DIP2C: variants seen among roughly 807,000 people sequenced by gnomAD.
DIP2C encodes the protein disco-interacting protein 2 homolog C.
Under a neutral mutation model 192.4 loss-of-function variants are expected in DIP2C, and 33 were observed. That is an observed-to-expected ratio of 0.17 (90% CI 0.13 to 0.23). DIP2C has a LOEUF of 0.23. Among genes scored for constraint, DIP2C ranks in the 10% least tolerant of loss-of-function variants. The pLI, the probability that DIP2C is intolerant of heterozygous loss-of-function variation, is 1.00. For synonymous variants in DIP2C, 979 were observed against 864.1 expected, an observed-to-expected ratio of 1.13 and a Z score of -2.33; for missense variants, 1,537 against 2,110.1, an observed-to-expected ratio of 0.73 and a Z score of 5.32.
At chr10:662,199 G>A (rs1856802287) in intron 1 of DIP2C, 1 of 696,540 alleles carries the variant, frequency 1.4e-6, no homozygotes, top group Non-Finnish European at 2.7e-6. Flanking sequence ...TACACAAAGA[G>A]TACAGGCCTC....
intron 1 of DIP2C, among the ~76,000 whole-genome samples, chr10:490,844 G>A (rs1011988134): frequency 6.6e-6 from 1 of 152,110 alleles, no homozygotes; most frequent in African/African-American, 2.4e-5. Context: ...AAAGAGGAGA[G>A]ATTTACACAC....
At chr10:331,895 GTAACA>G (rs1957524189) in intron 29 of DIP2C, among the ~76,000 whole-genome samples, 1 of 152,230 alleles carries the variant, frequency 6.6e-6, no homozygotes, top group African/African-American at 2.4e-5. Flanking sequence ...TAAAACATAT[GTAACA>G]TAACATTTAC....
Position 440,975 on chromosome 10 carries a change from T to C in DIP2C, c.290A>G (p.Gln97Arg), listed in dbSNP as rs1967678440. The change falls in exon 4 of 37, where the codon CAG becomes CGG. Residue 97 changes from glutamine to arginine, a missense_variant. Physicochemically the swap from Gln to Arg is conservative, Grantham distance 43. Coordinates refer to ENST00000280886, the MANE Select transcript of DIP2C (RefSeq NM_014974.3). Reference sequence around the variant, plus strand: ...CTCTTTGTGTTTGGCCAGAGCCGCCTGGACAGCTTCCGTGTGGACGTCTGA... The same window carrying C: ...CTCTTTGTGTTTGGCCAGAGCCGCCCGGACAGCTTCCGTGTGGACGTCTGA... The part of the protein sequence containing the change: ...YRSDVHTEAV[Q>R]AALAKHKERK... 10 of 1,613,580 alleles carry C rather than the reference T, an allele frequency of 6.2e-6. No individual in the cohort carries two copies. The highest frequency in any genetic ancestry group is 8.5e-6 in the Non-Finnish European group (10 of 1,179,970).
At chr10:674,785 T>TAGAG (rs778232277) in intron 1 of DIP2C, among the ~76,000 whole-genome samples, 10 of 91,984 alleles carry the variant, frequency 1.1e-4, no homozygotes, top group African/African-American at 3.7e-4. Flanking sequence ...TATATATATA[T>TAGAG]ATATAGAGAG....
intron 1 of DIP2C, among the ~76,000 whole-genome samples, chr10:516,925 C>T (rs1177047553): frequency 6.7e-6 from 1 of 148,982 alleles, no homozygotes; most frequent in African/African-American, 2.5e-5. Flanking sequence ...AACCCAGTTT[C>T]CAGGCCCGGG....
At chr10:599,321 C>A (rs1564250338) in intron 1 of DIP2C, among the ~76,000 whole-genome samples, 1 of 152,214 alleles carries the variant, frequency 6.6e-6, no homozygotes, top group Non-Finnish European at 1.5e-5. Flanking sequence ...CAGGAACACA[C>A]AGGTAAGTGA....
chr10:606,234 C>T (rs944507634), intron 1 of DIP2C, among the ~76,000 whole-genome samples: 2 of 151,426 alleles, frequency 1.3e-5, no homozygotes, highest in African/African-American at 4.9e-5. Flanking sequence ...TCATGGGCTC[C>T]ACCCACCCCC....
At chr10:686,675 T>C (rs1383065453) in intron 1 of DIP2C, among the ~76,000 whole-genome samples, 1 of 152,266 alleles carries the variant, frequency 6.6e-6, no homozygotes, top group Non-Finnish European at 1.5e-5. Flanking sequence ...CCGCATGCTC[T>C]GTGGTGTGAG....
At chr10:546,619 C>G (rs1481276766) in intron 1 of DIP2C, among the ~76,000 whole-genome samples, 2 of 152,250 alleles carry the variant, frequency 1.3e-5, no homozygotes, top group Non-Finnish European at 2.9e-5. Context: ...TCCATGCAGG[C>G]TGTCTGCAAC....
At chr10:294,409 C>T (rs1420837831) in intron 32 of DIP2C, among the ~76,000 whole-genome samples, 1 of 151,968 alleles carries the variant, frequency 6.6e-6, no homozygotes, top group Non-Finnish European at 1.5e-5. Context: ...GAGTTTGAGA[C>T]CAGCCTAGGC....
chr10:281,119 C>G, intron 36 of DIP2C, 81 bp downstream of exon 36: 1 of 1,570,712 alleles, frequency 6.4e-7, no homozygotes, highest in South Asian at 1.2e-5. Flanking sequence ...AAACTCTCCT[C>G]CACCGCCGTG....
chr10:515,608 C>T (rs977305727), intron 1 of DIP2C, among the ~76,000 whole-genome samples: 6 of 152,152 alleles, frequency 3.9e-5, no homozygotes, highest in Non-Finnish European at 8.8e-5. Flanking sequence ...CTAATAATCC[C>T]GCTACTCAAG....
At chr10:319,132 C>G (rs188951270) in intron 31 of DIP2C, among the ~76,000 whole-genome samples, 1 of 152,092 alleles carries the variant, frequency 6.6e-6, no homozygotes, top group South Asian at 2.1e-4. Flanking sequence ...AAGCTGGTCT[C>G]GAACCCCTGA....
chr10:324,642 G>C (rs2132424559), intron 31 of DIP2C: 1 of 215,958 alleles, frequency 4.6e-6, no homozygotes, highest in Admixed American at 5.4e-5. Context: ...CCCATGATTA[G>C]AATACTGAAT....
Position 366,366 on chromosome 10 carries a change from C to T in DIP2C, c.2177G>A (p.Arg726Lys), listed in dbSNP as rs1313412459. The change falls in exon 19 of 37, where the codon AGA becomes AAA. Residue 726 changes from arginine to lysine, a missense_variant. Physicochemically the swap from Arg to Lys is conservative, Grantham distance 26. Transcript: ENST00000280886. Reference sequence around the variant, plus strand: ...ACACAGCTCCCCGATCTCATCCGTTCTGCACAGCTGAGGAACCCCGTCTGG... The same window carrying T: ...ACACAGCTCCCCGATCTCATCCGTTTTGCACAGCTGAGGAACCCCGTCTGG... ...VKPDGVPQLC[R>K]TDEIGELCVC... 1.9e-6 allele frequency: 3 copies of T among 1,614,222 alleles called. No individual in the cohort carries two copies. Among genetic ancestry groups the T allele is most frequent in the Admixed American group, 1.7e-5 (1 of 60,024 alleles).
chr10:386,086 C>T (rs1165257253), intron 14 of DIP2C, among the ~76,000 whole-genome samples: 3 of 152,196 alleles, frequency 2.0e-5, no homozygotes, highest in Non-Finnish European at 4.4e-5. Context: ...GGCCCCGCGA[C>T]GAGGCCTCGA....
intron 2 of DIP2C, 35 bp from the exon 3 acceptor site, chr10:472,584 A>C (rs751199113): frequency 3.8e-6 from 6 of 1,571,152 alleles, no homozygotes; most frequent in Non-Finnish European, 5.2e-6. Context: ...GTGAGGTGTG[A>C]CTGTACTCAG....
At chr10:419,942 T>A (rs1350600196) in intron 5 of DIP2C, among the ~76,000 whole-genome samples, 1 of 152,208 alleles carries the variant, frequency 6.6e-6, no homozygotes, top group East Asian at 1.9e-4. Flanking sequence ...CTTTTCTATT[T>A]AATGAATAAC....
intron 20 of DIP2C, 113 bp downstream of exon 20, chr10:364,261 G>A (rs765135140): frequency 8.0e-5 from 101 of 1,260,580 alleles, no homozygotes; most frequent in Non-Finnish European, 1.1e-4. Flanking sequence ...CATGGAAGAG[G>A]AAACGGAGAC....
Sources: allele counts gnomAD v4.1 joint callset (sites outside exome capture counted in the v4.1 genomes callset), GRCh38; gene constraint gnomAD v4.1.1; transcripts MANE v1.5; gene names NCBI Gene and HGNC (gene_info 2026-07-23, HGNC 2026-07-21).